SLC35D1: variants seen among roughly 807,000 people sequenced by gnomAD.
SLC35D1 encodes solute carrier family 35 member D1.
A neutral mutation model predicts 46.7 loss-of-function variants in SLC35D1; 31 were observed. The observed-to-expected ratio is 0.66, with a 90% CI of 0.50 to 0.90. SLC35D1 has a LOEUF of 0.90. Among genes scored for constraint, SLC35D1 ranks in the 40% least tolerant of loss-of-function variants. SLC35D1 has a pLI of 0.00. For synonymous variants in SLC35D1, 195 were observed against 164.6 expected (o/e 1.18, Z -1.41); for missense variants, 397 against 426.2 (o/e 0.93, Z 0.60).
chr1:67,001,117 A>G lies in SLC35D1; in HGVS notation c.*3223T>C, dbSNP rs1252148402. 1 of 152,296 alleles carries G rather than the reference A, an allele frequency of 6.6e-6. No individual in the cohort carries two copies. Among genetic ancestry groups the G allele is most frequent in the East Asian group, 1.9e-4 (1 of 5,336 alleles). The allele number at this position is 152,296 out of a possible 1,614,324, so 9.4% of individuals were successfully genotyped here. ...AGCTTAGCAAAATACTTGGCATACA[A>G]GAGCTGCTCACTAAGTCTTTGCTCA... On this transcript the variant is annotated 3_prime_UTR_variant, in exon 12 of 12. Coordinates refer to ENST00000235345, the MANE Select transcript of SLC35D1 (RefSeq NM_015139.3).
At chr1:67,049,922 A>C in intron 5 of SLC35D1, 72 bp from the exon 6 acceptor site, 1 of 1,013,926 alleles carries the variant, frequency 9.9e-7, no homozygotes, top group East Asian at 2.5e-5. Context: ...GAAGCAAAAA[A>C]TGGGATATGC....
Position 67,054,020 on chromosome 1 carries a change from C to G in SLC35D1, c.-7G>C. The G allele has an allele frequency of 6.2e-7, 1 of 1,607,882 alleles. No individual in the cohort carries two copies. Among genetic ancestry groups the G allele is most frequent in the Non-Finnish European group, 8.5e-7 (1 of 1,177,278 alleles). ...GTCTATGAACTTCCGCCATGGCTGCCGCAGCAGCGGTGGCCTGGCGGCGGG... is the reference window on the plus strand; with the variant it reads ...GTCTATGAACTTCCGCCATGGCTGCGGCAGCAGCGGTGGCCTGGCGGCGGG... On this transcript the variant is annotated 5_prime_UTR_variant, in exon 1 of 12. Coordinates refer to ENST00000235345, the MANE Select transcript of SLC35D1 (RefSeq NM_015139.3).
chr1:67,050,828 C>T (rs1352939237), intron 4 of SLC35D1, among the ~76,000 whole-genome samples: 1 of 152,134 alleles, frequency 6.6e-6, no homozygotes, highest in East Asian at 1.9e-4. Flanking sequence ...TCTGACCTCC[C>T]TTCCCACCCC....
chr1:67,053,637 C>G (rs960947878), intron 1 of SLC35D1, among the ~76,000 whole-genome samples, 174 bp downstream of exon 1: 5 of 151,912 alleles, frequency 3.3e-5, no homozygotes, highest in African/African-American at 7.2e-5. Flanking sequence ...CAGGCCCGCT[C>G]GCCAGGCCGG....
At chr1:66,985,952 A>G in the SLC35D1 span, 1 of 985,054 alleles carries the variant, frequency 1.0e-6, no homozygotes, top group Middle Eastern at 5.2e-4. Context: ...AGCAAGACAA[A>G]AGTTTAATGT....
downstream of SLC35D1, among the ~76,000 whole-genome samples, chr1:66,996,363 T>G (rs553360577): frequency 6.6e-6 from 1 of 152,344 alleles, no homozygotes; most frequent in Non-Finnish European, 1.5e-5. Flanking sequence ...AAATAACATT[T>G]GACAAGTATA....
chr1:67,042,786 G>A (rs1037489567), intron 7 of SLC35D1, among the ~76,000 whole-genome samples: 2 of 152,186 alleles, frequency 1.3e-5, no homozygotes, highest in South Asian at 2.1e-4. Flanking sequence ...GGATGAGGCC[G>A]GATACGGTGG....
At chr1:67,041,923 T>C (rs1645192092) in intron 8 of SLC35D1, among the ~76,000 whole-genome samples, 1 of 152,248 alleles carries the variant, frequency 6.6e-6, no homozygotes, top group African/African-American at 2.4e-5. Context: ...AGTTTACTAC[T>C]ATTCCTATTT....
chr1:66,973,479 C>T, the SLC35D1 span, among the ~76,000 whole-genome samples: 1 of 151,906 alleles, frequency 6.6e-6, no homozygotes, highest in Non-Finnish European at 1.5e-5. Context: ...GCTTCTGTGT[C>T]GATAAATCAG....
chr1:66,996,361 T>C (rs772624141), downstream of SLC35D1, among the ~76,000 whole-genome samples: 20 of 152,230 alleles, frequency 1.3e-4, no homozygotes, highest in Non-Finnish European at 2.1e-4. Context: ...AAAAATAACA[T>C]TTGACAAGTA....
At position 67,003,504 on chromosome 1, in the gene SLC35D1, G is replaced by A. The variant is rs1243973204; in HGVS notation, c.*836C>T. The A allele has an allele frequency of 6.6e-6, 1 of 152,254 alleles. No homozygotes were observed. Among genetic ancestry groups the A allele is most frequent in the Non-Finnish European group, 1.5e-5 (1 of 68,064 alleles). 9.4% of individuals were successfully genotyped at this position (152,254 alleles called of 1,614,324 possible). A position where few individuals can be genotyped will look rare whatever the true frequency, so the allele number is the denominator to read the frequency against. On this transcript the variant is annotated 3_prime_UTR_variant, in exon 12 of 12. Transcript: ENST00000235345. ...GTGACATCTTCTGAATAGATTAACA[G>A]AGCTAAATTCTCAACCTTACCTGAG...
In SLC35D1 at chr1:67,040,264, A is replaced by AT. The variant is rs199677391; in HGVS notation, c.729+1971dup. Among the ~76,000 whole-genome samples the AT allele has an allele frequency of 3.9e-3, 595 of 152,236 alleles. 5 individuals carry two copies. Among genetic ancestry groups the AT allele is most frequent in the African/African-American group, 0.014 (575 of 41,546 alleles). ...TGCTCACAACTCCCCAAGGGCTAGG[A>AT]TTATAGGCGGGAGCCACTGCACCCA... is the stretch of plus-strand genomic sequence containing the variant. On this transcript the variant is annotated intron_variant, in intron 8 of 11. Coordinates refer to ENST00000235345, the MANE Select transcript of SLC35D1 (RefSeq NM_015139.3).
chr1:67,031,124 A>G (rs972624594), intron 8 of SLC35D1, among the ~76,000 whole-genome samples: 2 of 152,228 alleles, frequency 1.3e-5, no homozygotes, highest in African/African-American at 4.8e-5. Flanking sequence ...GCAGGACATT[A>G]AAATAAATCT....
chr1:66,985,374 CCAAA>C, the SLC35D1 span: 97 of 984,780 alleles, frequency 9.8e-5, 1 homozygote, highest in South Asian at 1.4e-3. Flanking sequence ...ATTTTTCTCA[CCAAA>C]CAGTTTGAGT....
At chr1:66,990,613 C>CTT in the SLC35D1 span, among the ~76,000 whole-genome samples, 27 of 152,134 alleles carry the variant, frequency 1.8e-4, no homozygotes, top group African/African-American at 6.5e-4. Flanking sequence ...AAACAACTCA[C>CTT]TTAGGATTGC....
Position 67,052,023 on chromosome 1 carries a change from T to A in SLC35D1, c.381A>T (p.Thr127=). 6.2e-7 allele frequency: 1 copy of A among 1,607,292 alleles called. No individual in the cohort carries two copies. Among genetic ancestry groups the A allele is most frequent in the Non-Finnish European group, 8.5e-7 (1 of 1,173,888 alleles). ...AAAGTTATCCATACTTCAGTTTCTTTGTGCTGAACAGTCCCGTGATTTGGT... is the reference window on the plus strand; with the variant it reads ...AAAGTTATCCATACTTCAGTTTCTTAGTGCTGAACAGTCCCGTGATTTGGT... ...FGNQITGLFS[T]KKLNLPMFTV... Residue 127 remains threonine (T), a synonymous_variant, in exon 4 of 12, where the codon ACA becomes ACT. Coordinates refer to ENST00000235345, the MANE Select transcript of SLC35D1 (RefSeq NM_015139.3).
intron 8 of SLC35D1, among the ~76,000 whole-genome samples, chr1:67,034,282 A>G (rs965866026): frequency 6.6e-6 from 1 of 152,238 alleles, no homozygotes; most frequent in African/African-American, 2.4e-5. Flanking sequence ...TGCTTCAGGC[A>G]GCATGAACAT....
At position 67,013,157 on chromosome 1, in the gene SLC35D1, G is replaced by GATAGATAGATATATATATATAT. The variant is rs1553264879; in HGVS notation, c.877-3991_877-3990insATATATATATATATCTATCTAT. Among the ~76,000 whole-genome samples, 76 of 29,808 alleles carry GATAGATAGATATATATATATAT rather than the reference G, an allele frequency of 2.5e-3. 6 individuals are homozygous for GATAGATAGATATATATATATAT. Among genetic ancestry groups the GATAGATAGATATATATATATAT allele is most frequent in the African/African-American group, 0.012 (69 of 5,582 alleles). 19.6% of individuals were successfully genotyped at this position (29,808 alleles called of 152,430 possible). A position where few individuals can be genotyped will look rare whatever the true frequency, so the allele number is the denominator to read the frequency against. On this transcript the variant is annotated intron_variant, in intron 10 of 11. Coordinates refer to ENST00000235345, the MANE Select transcript of SLC35D1 (RefSeq NM_015139.3). ...ATAATTTAAGAACATATATCCTGGA[G>GATAGATAGATATATATATATAT]ATATATATATATCCTGTTCTTAAAT...
Position 67,053,807 on chromosome 1 carries a change from C to CT in SLC35D1, c.203+3dup. ...GGCCTGGGCCGCCGCCGCCTCGGCC[C>CT]TACCTGTAATTGGTGAGCACGCTCT... On this transcript the variant is annotated splice_donor_region_variant and intron_variant, in intron 1 of 11. Coordinates refer to ENST00000235345, the MANE Select transcript of SLC35D1 (RefSeq NM_015139.3). 1 of 1,604,016 alleles carries CT rather than the reference C, an allele frequency of 6.2e-7. No individual in the cohort carries two copies. Among genetic ancestry groups the CT allele is most frequent in the Non-Finnish European group, 8.5e-7 (1 of 1,175,776 alleles).
Sources: gnomAD v4.1 joint callset for allele counts (sites outside exome capture counted in the v4.1 genomes callset) on GRCh38, gnomAD v4.1.1 for gene constraint, MANE v1.5 for transcripts, NCBI Gene and HGNC (gene_info 2026-07-23, HGNC 2026-07-21) for gene names.